The following ZNF813 variants were observed in gnomAD, a reference collection of about 807,000 sequenced individuals.
ZNF813 encodes the protein zinc finger protein 813.
A neutral mutation model predicts 7.2 loss-of-function variants in ZNF813; 3 were observed. The observed-to-expected ratio is 0.42, with a 90% CI of 0.19 to 1.08. ZNF813 has a LOEUF of 1.08. Among genes scored for constraint, ZNF813 ranks in the 50% least tolerant of loss-of-function variants. The probability of loss-of-function intolerance (pLI) is 0.30; values close to 1 mark genes in which losing one functional copy is unlikely to be tolerated. For missense variants in ZNF813, 714 were observed against 753.3 expected (o/e 0.95, Z 0.61); for synonymous variants, 227 against 256.3 (o/e 0.89, Z 1.09).
At position 53,481,344 on chromosome 19, in the gene ZNF813, C is replaced by CTTTTTTTTTTTTTTTTTTTTTTTTT. The variant is rs66842546; in HGVS notation, c.-73-2387_-73-2386insTTTTTTTTTTTTTTTTTTTTTTTTT. Among the ~76,000 whole-genome samples the CTTTTTTTTTTTTTTTTTTTTTTTTT allele has an allele frequency of 1.7e-4, 18 of 106,372 alleles. 2 individuals are homozygous for CTTTTTTTTTTTTTTTTTTTTTTTTT. The highest frequency in any genetic ancestry group is 2.0e-4 in the African/African-American group (5 of 24,664). The allele number at this position is 106,372 out of a possible 152,430, so 69.8% of individuals were successfully genotyped here. On this transcript the variant is annotated intron_variant, in intron 1 of 3. Transcript: ENST00000396403. ...GCTATTCTAAAAGCACCCATGTATT[C>CTTTTTTTTTTTTTTTTTTTTTTTTT]TTTTTTTTTTTTTTTTTTTGAGATG...
At chr19:53,471,507 T>G (rs556122568) in intron 1 of ZNF813, among the ~76,000 whole-genome samples, 1 of 152,238 alleles carries the variant, frequency 6.6e-6, no homozygotes, top group Admixed American at 6.5e-5. Context: ...TAATGGAAGT[T>G]TTTAAGAGCT....
At chr19:53,482,314 C>G (rs938890106) in intron 1 of ZNF813, among the ~76,000 whole-genome samples, 1 of 152,190 alleles carries the variant, frequency 6.6e-6, no homozygotes, top group Non-Finnish European at 1.5e-5. Context: ...CAGGTCACGT[C>G]AGTCCCTGGC....
chr19:53,469,063 T>C (rs187557954), intron 1 of ZNF813, among the ~76,000 whole-genome samples: 3 of 152,152 alleles, frequency 2.0e-5, no homozygotes, highest in African/African-American at 7.2e-5. Flanking sequence ...TAACTGAGAA[T>C]GGAGAATGGC....
At chr19:53,469,205 C>T (rs879382173) in intron 1 of ZNF813, among the ~76,000 whole-genome samples, 3 of 152,168 alleles carry the variant, frequency 2.0e-5, no homozygotes, top group African/African-American at 7.2e-5. Flanking sequence ...GCTAAAGTTA[C>T]GGATTAACAG....
In ZNF813 at chr19:53,491,315, C is replaced by G. The variant is rs373908434; in HGVS notation, c.1083C>G (p.Gly361=). The G allele has an allele frequency of 3.1e-6, 5 of 1,614,008 alleles. No individual in the cohort carries two copies. In the African/African-American group the frequency reaches 6.7e-5, roughly 22 times the overall value. ...GEKPFKCNEC[G]KTFSRKSSLT... is the part of the protein sequence containing the mutation. ...AACCTTTCAAGTGTAATGAGTGTGG[C>G]AAGACCTTTAGTCGGAAGTCATCCC... The change falls in exon 4 of 4, where the codon GGC becomes GGG. Residue 361 remains glycine (G), a synonymous_variant. Coordinates refer to ENST00000396403, the MANE Select transcript of ZNF813 (RefSeq NM_001004301.4).
Position 53,486,765 on chromosome 19 carries a change from A to T in ZNF813, c.142+7A>T, listed in dbSNP as rs201552402. The T allele has an allele frequency of 5.0e-6, 8 of 1,613,680 alleles. No individual in the cohort carries two copies. In the East Asian group the frequency reaches 8.9e-5, roughly 18 times the overall value. On this transcript the variant is annotated splice_region_variant and intron_variant, in intron 3 of 3. Coordinates refer to ENST00000396403, the MANE Select transcript of ZNF813 (RefSeq NM_001004301.4). ...AGGAACCTGGTCTCCCTGGGTGAGGATAACTTCCCTCCAGAAGTGGGGATG... is the reference window on the plus strand; with the variant it reads ...AGGAACCTGGTCTCCCTGGGTGAGGTTAACTTCCCTCCAGAAGTGGGGATG...
chr19:53,468,909 G>A (rs1600106423), intron 1 of ZNF813, among the ~76,000 whole-genome samples: 1 of 149,660 alleles, frequency 6.7e-6, no homozygotes, highest in Non-Finnish European at 1.5e-5. Context: ...GACTCTTTAC[G>A]GGTGTCCGGC....
chr19:53,493,512 A>C lies in ZNF813; in HGVS notation c.*1426A>C, dbSNP rs921323476. The C allele has an allele frequency of 1.3e-5, 2 of 151,262 alleles. No individual in the cohort carries two copies. The highest frequency in any genetic ancestry group is 1.3e-4 in the Admixed American group (2 of 15,190). The allele number at this position is 151,262 out of a possible 1,614,324, so 9.4% of individuals were successfully genotyped here. A position where few individuals can be genotyped will look rare whatever the true frequency, so the allele number is the denominator to read the frequency against. On this transcript the variant is annotated 3_prime_UTR_variant, in exon 4 of 4. Coordinates refer to ENST00000396403, the MANE Select transcript of ZNF813 (RefSeq NM_001004301.4). The stretch of plus-strand genomic sequence containing the variant: ...AATTGTTTATTGTTACAAACTTCTC[A>C]TCTTTTTGCTTTTATTCCTAAGTAT...
intron 3 of ZNF813, among the ~76,000 whole-genome samples, chr19:53,487,188 T>A (rs145495718): frequency 6.6e-6 from 1 of 152,210 alleles, no homozygotes; most frequent in African/African-American, 2.4e-5. Context: ...GTAGAAAACA[T>A]GTAGTTGGTT....
intron 1 of ZNF813, among the ~76,000 whole-genome samples, chr19:53,474,348 G>T (rs1257239960): frequency 2.0e-5 from 3 of 152,168 alleles, no homozygotes; most frequent in Non-Finnish European, 4.4e-5. Context: ...GTTAAACATT[G>T]TTTACAAATG....
intron 1 of ZNF813, among the ~76,000 whole-genome samples, chr19:53,469,436 G>A (rs1032424790): frequency 9.2e-5 from 14 of 152,206 alleles, no homozygotes; most frequent in South Asian, 2.1e-4. Flanking sequence ...GTGGGCTAAA[G>A]GGATCAGGAG....
rs2086467325 is a variant in ZNF813 at position 53,492,205 on chromosome 19, G to A, written c.*119G>A. 2.7e-6 allele frequency: 4 copies of A among 1,462,698 alleles called. No homozygotes were observed. In the South Asian group the frequency reaches 5.3e-5, roughly 19 times the overall value. 90.6% of individuals were successfully genotyped at this position (1,462,698 alleles called of 1,614,324 possible). A position where few individuals can be genotyped will look rare whatever the true frequency, so the allele number is the denominator to read the frequency against. ...AATTCATAAGAATTCATACTGGAGA[G>A]AAACAAGTGTAATGAACGTTGCAAA... On this transcript the variant is annotated 3_prime_UTR_variant, in exon 4 of 4. Coordinates refer to ENST00000396403, the MANE Select transcript of ZNF813 (RefSeq NM_001004301.4).
intron 1 of ZNF813, among the ~76,000 whole-genome samples, chr19:53,475,790 G>A (rs1459360510): frequency 2.6e-5 from 4 of 152,214 alleles, no homozygotes; most frequent in Non-Finnish European, 5.9e-5. Context: ...TATAAGTTGA[G>A]TCAGAGCCCC....
intron 1 of ZNF813, among the ~76,000 whole-genome samples, chr19:53,469,603 G>T (rs1184493506): frequency 6.6e-6 from 1 of 152,156 alleles, no homozygotes; most frequent in African/African-American, 2.4e-5. Flanking sequence ...GACATGCAGA[G>T]AAAAGCTAGA....
At chr19:53,471,329 G>T (rs567193721) in intron 1 of ZNF813, among the ~76,000 whole-genome samples, 2 of 152,218 alleles carry the variant, frequency 1.3e-5, no homozygotes, top group South Asian at 4.1e-4. Flanking sequence ...GTGTGGTTTA[G>T]AGAAGAGAAA....
chr19:53,481,344 C>CTTTTTTTTT lies in ZNF813; in HGVS notation c.-73-2395_-73-2387dup, dbSNP rs66842546. On this transcript the variant is annotated intron_variant, in intron 1 of 3. Coordinates refer to ENST00000396403, the MANE Select transcript of ZNF813 (RefSeq NM_001004301.4). The stretch of plus-strand genomic sequence containing the variant: ...GCTATTCTAAAAGCACCCATGTATT[C>CTTTTTTTTT]TTTTTTTTTTTTTTTTTTTGAGATG... Among the ~76,000 whole-genome samples, 741 of 106,294 alleles carry CTTTTTTTTT rather than the reference C, an allele frequency of 7.0e-3. 47 individuals carry two copies. The highest frequency in any genetic ancestry group is 0.018 in the African/African-American group (434 of 24,628). 69.7% of individuals were successfully genotyped at this position (106,294 alleles called of 152,430 possible). A position where few individuals can be genotyped will look rare whatever the true frequency, so the allele number is the denominator to read the frequency against.
chr19:53,488,746 C>T (rs2086445994), intron 3 of ZNF813, among the ~76,000 whole-genome samples: 1 of 151,892 alleles, frequency 6.6e-6, no homozygotes, highest in African/African-American at 2.4e-5. Flanking sequence ...CCTTATAATG[C>T]TGTGTATATT....
chr19:53,481,020 A>G (rs898720713), intron 1 of ZNF813, among the ~76,000 whole-genome samples: 21 of 152,306 alleles, frequency 1.4e-4, no homozygotes, highest in African/African-American at 5.1e-4. Flanking sequence ...GGTGGTGAGG[A>G]TGTGGGGGTT....
At chr19:53,487,890 A>G (rs540355269) in intron 3 of ZNF813, among the ~76,000 whole-genome samples, 160 of 151,544 alleles carry the variant, frequency 1.1e-3, no homozygotes, top group African/African-American at 3.8e-3. Context: ...TGTATGTTGC[A>G]TTTTCATCAA....
Sources: gnomAD v4.1 joint callset for allele counts (sites outside exome capture counted in the v4.1 genomes callset) on GRCh38, gnomAD v4.1.1 for gene constraint, MANE v1.5 for transcripts, NCBI Gene and HGNC (gene_info 2026-07-23, HGNC 2026-07-21) for gene names.